Variants in ULK4 observed in about 807,000 individuals in gnomAD.
ULK4 encodes unc-51 like kinase 4, also known as inactive serine/threonine-protein kinase ULK4.
Under a neutral mutation model 160.6 loss-of-function variants are expected in ULK4, and 133 were observed. That is an observed-to-expected ratio of 0.83 (90% CI 0.72 to 0.96). The LOEUF is 0.96. Among genes scored for constraint, ULK4 ranks in the 40% least tolerant of loss-of-function variants. The pLI, the probability that ULK4 is intolerant of heterozygous loss-of-function variation, is 0.00. For synonymous variants in ULK4, 534 were observed against 539.8 expected, an observed-to-expected ratio of 0.99 and a Z score of 0.15; for missense variants, 1,580 against 1,499.5, an observed-to-expected ratio of 1.05 and a Z score of -0.89.
At chr3:41,444,361 TTCTCTCTCTC>T (rs56744200) in intron 34 of ULK4, among the ~76,000 whole-genome samples, 39 of 146,672 alleles carry the variant, frequency 2.7e-4, no homozygotes, top group African/African-American at 4.6e-4. Flanking sequence ...TTTAAGTGAC[TTCTCTCTCTC>T]TCTCTCTCTC....
Position 41,690,271 on chromosome 3 carries a change from T to G in ULK4, c.2782-8467A>C, listed in dbSNP as rs1195442848. Among the ~76,000 whole-genome samples the G allele has an allele frequency of 5.3e-5, 8 of 151,166 alleles. No individual in the cohort carries two copies. In the East Asian group the frequency reaches 1.5e-3, roughly 29 times the overall value. On this transcript the variant is annotated intron_variant, in intron 27 of 36. Coordinates refer to ENST00000301831, the MANE Select transcript of ULK4 (RefSeq NM_017886.4). ...ACACATGGACACAGGAAGGGGAACA[T>G]CACACTCCGGGGACTGTTGTGGGGT...
At chr3:41,520,683 G>A (rs549159615) in intron 32 of ULK4, among the ~76,000 whole-genome samples, 2 of 152,068 alleles carry the variant, frequency 1.3e-5, no homozygotes, top group African/African-American at 2.4e-5. Context: ...CCAGCAATGC[G>A]CAAGGATTCC....
intron 34 of ULK4, among the ~76,000 whole-genome samples, chr3:41,399,327 G>C (rs1401901000): frequency 1.3e-5 from 2 of 152,010 alleles, no homozygotes; most frequent in African/African-American, 4.8e-5. Flanking sequence ...CAGACCCTTT[G>C]TCCATTTTAA....
chr3:41,634,114 C>T (rs2033858286), intron 30 of ULK4, among the ~76,000 whole-genome samples: 1 of 152,228 alleles, frequency 6.6e-6, no homozygotes, highest in Admixed American at 6.5e-5. Flanking sequence ...TGGCTGTTTA[C>T]ACTGTGCCTT....
At chr3:41,836,596 G>A (rs928548446) in intron 17 of ULK4, among the ~76,000 whole-genome samples, 4 of 152,184 alleles carry the variant, frequency 2.6e-5, no homozygotes, top group African/African-American at 9.7e-5. Context: ...AAGCCATCCA[G>A]TTCACTTGGA....
intron 25 of ULK4, among the ~76,000 whole-genome samples, chr3:41,710,888 T>A (rs1389049569): frequency 1.3e-5 from 2 of 150,912 alleles, no homozygotes; most frequent in Non-Finnish European, 2.9e-5. Flanking sequence ...CAGGGCAGGA[T>A]GGTGAGCAGA....
At chr3:41,732,855 T>A (rs2037879547) in intron 22 of ULK4, among the ~76,000 whole-genome samples, 1 of 152,058 alleles carries the variant, frequency 6.6e-6, no homozygotes, top group Admixed American at 6.5e-5. Flanking sequence ...TTACGTTAAG[T>A]GAAATAATCC....
At chr3:41,760,391 A>G (rs1449486796) in intron 21 of ULK4, among the ~76,000 whole-genome samples, 5 of 152,202 alleles carry the variant, frequency 3.3e-5, no homozygotes, top group Non-Finnish European at 5.9e-5. Flanking sequence ...CCTATCATAT[A>G]TGCCTCAACC....
At chr3:41,384,256 G>C (rs1384174428) in intron 35 of ULK4, among the ~76,000 whole-genome samples, 5 of 151,900 alleles carry the variant, frequency 3.3e-5, no homozygotes, top group Admixed American at 2.0e-4. Context: ...TTCTACTCCA[G>C]AGTATGAGAT....
intron 31 of ULK4, among the ~76,000 whole-genome samples, chr3:41,591,152 T>C (rs2031273600): frequency 6.6e-6 from 1 of 152,120 alleles, no homozygotes; most frequent in Non-Finnish European, 1.5e-5. Context: ...AGCAGACTTA[T>C]TAGTAACTGT....
intron 35 of ULK4, among the ~76,000 whole-genome samples, chr3:41,317,063 ATTT>A (rs1164870603): frequency 0.015 from 1,417 of 94,438 alleles, 9 homozygotes; most frequent in African/African-American, 0.056. Flanking sequence ...AATTACATCT[ATTT>A]TTTTTTTTTT....
Position 41,556,077 on chromosome 3 carries a change from C to A in ULK4, c.3226+9948G>T, listed in dbSNP as rs531050861. Among the ~76,000 whole-genome samples, 30 of 152,228 alleles carry A rather than the reference C, an allele frequency of 2.0e-4. 1 individual carries two copies. The South Asian group carries it at 5.8e-3, about 30-fold the overall frequency. On this transcript the variant is annotated intron_variant, in intron 32 of 36. Transcript: ENST00000301831. Reference sequence around the variant, plus strand: ...GATCAGGAAAAATAACTAATGAGTACTAGGCTTAATACCTGGCTGATGACA... The same window carrying A: ...GATCAGGAAAAATAACTAATGAGTAATAGGCTTAATACCTGGCTGATGACA...
chr3:41,697,875 T>A (rs1575581941), intron 27 of ULK4, among the ~76,000 whole-genome samples: 2 of 152,316 alleles, frequency 1.3e-5, no homozygotes, highest in Middle Eastern at 6.8e-3. Context: ...TCCTAGGCCT[T>A]CAGATTCACT....
intron 17 of ULK4, among the ~76,000 whole-genome samples, chr3:41,862,953 C>G (rs2042537966): frequency 6.6e-6 from 1 of 152,166 alleles, no homozygotes; most frequent in Non-Finnish European, 1.5e-5. Context: ...TAACCACTCC[C>G]TAGCTACTGC....
chr3:41,255,139 C>A (rs1481457413), intron 35 of ULK4, among the ~76,000 whole-genome samples: 4 of 151,534 alleles, frequency 2.6e-5, no homozygotes, highest in Non-Finnish European at 5.9e-5. Context: ...TACACACACA[C>A]ACACACACAC....
intron 35 of ULK4, among the ~76,000 whole-genome samples, chr3:41,270,727 G>A (rs537957961): frequency 1.3e-5 from 2 of 152,064 alleles, no homozygotes; most frequent in Admixed American, 1.3e-4. Context: ...CATTTTATAC[G>A]ACGAGATCGT....
intron 32 of ULK4, among the ~76,000 whole-genome samples, chr3:41,475,877 G>A (rs1342731177): frequency 6.6e-6 from 1 of 151,926 alleles, no homozygotes; most frequent in African/African-American, 2.4e-5. Flanking sequence ...AAACAGGAAG[G>A]GAGGAGAGAA....
chr3:41,385,035 C>CAGAG (rs536799321), intron 35 of ULK4, among the ~76,000 whole-genome samples: 1 of 151,806 alleles, frequency 6.6e-6, no homozygotes, highest in South Asian at 2.1e-4. Flanking sequence ...GCCTGAACAA[C>CAGAG]AGAGAGACCT....
At chr3:41,730,463 A>G (rs1050070019) in intron 22 of ULK4, among the ~76,000 whole-genome samples, 1 of 152,190 alleles carries the variant, frequency 6.6e-6, no homozygotes. Context: ...TCACAGACTA[A>G]AAAGAATCAT....
Sources: allele counts gnomAD v4.1 joint callset (sites outside exome capture counted in the v4.1 genomes callset), GRCh38; gene constraint gnomAD v4.1.1; transcripts MANE v1.5; gene names NCBI Gene and HGNC (gene_info 2026-07-23, HGNC 2026-07-21).